Variants in DLG2 observed in about 807,000 individuals in gnomAD.
The protein encoded by DLG2 is discs large MAGUK scaffold protein 2.
DLG2 carries 45 observed loss-of-function variants against 132.5 expected under a neutral mutation model. The observed-to-expected ratio is 0.34, with a 90% confidence interval of 0.27 to 0.44. DLG2 has a LOEUF of 0.44. DLG2 is among the 20% of genes least tolerant of loss of function. The pLI is 1.00. For synonymous variants in DLG2, 424 were observed against 419.6 expected (o/e 1.01, Z -0.13); for missense variants, 1,045 against 1,196.9 (o/e 0.87, Z 1.87).
intron 9 of DLG2, among the ~76,000 whole-genome samples, chr11:84,118,249 A>C (rs1365994224): frequency 1.3e-5 from 2 of 152,220 alleles, no homozygotes; most frequent in African/African-American, 4.8e-5. Flanking sequence ...AAGATCAAGC[A>C]GTTCACCATT....
intron 6 of DLG2, among the ~76,000 whole-genome samples, chr11:84,867,503 T>C (rs75132402): frequency 6.6e-6 from 1 of 152,238 alleles, no homozygotes; most frequent in African/African-American, 2.4e-5. Flanking sequence ...TTTCTGTCTC[T>C]AGTTAGCCTT....
chr11:84,884,942 C>G (rs1175588400), intron 6 of DLG2, among the ~76,000 whole-genome samples: 1 of 152,116 alleles, frequency 6.6e-6, no homozygotes, highest in Non-Finnish European at 1.5e-5. Context: ...GGTATTCACA[C>G]TATATAAACT....
intron 3 of DLG2, among the ~76,000 whole-genome samples, chr11:85,594,996 C>T (rs1266654240): frequency 1.4e-5 from 2 of 138,862 alleles, no homozygotes; most frequent in Non-Finnish European, 3.0e-5. Flanking sequence ...AACCAGGAGG[C>T]AGAAGTTGCA....
rs1049202902 is a variant in DLG2, at chr11:84,003,410, A to G, written c.920-22768T>C. Among the ~76,000 whole-genome samples, 7 of 152,120 alleles carry G rather than the reference A, an allele frequency of 4.6e-5. No individual in the cohort carries two copies. The South Asian group carries it at 1.0e-3, about 23-fold the overall frequency. On this transcript the variant is annotated intron_variant, in intron 11 of 27. Coordinates refer to ENST00000376104, the MANE Select transcript of DLG2 (RefSeq NM_001142699.3). ...CATTTTCCTGTATTAGTCCATTTTC[A>G]TACTGCTATAAAGAACTGTCTGGGA...
chr11:84,171,724 T>G (rs2095827842), intron 8 of DLG2, among the ~76,000 whole-genome samples: 1 of 152,216 alleles, frequency 6.6e-6, no homozygotes, highest in Non-Finnish European at 1.5e-5. Context: ...TTTATTTTCC[T>G]TTGGGTAGAT....
chr11:84,462,369 C>T lies in DLG2; in HGVS notation c.519+72201G>A, dbSNP rs1033437303. Among the ~76,000 whole-genome samples the T allele has an allele frequency of 6.0e-5, 9 of 151,028 alleles. No individual in the cohort carries two copies. In the South Asian group the frequency reaches 1.9e-3, roughly 31 times the overall value. On this transcript the variant is annotated intron_variant, in intron 7 of 27. Coordinates refer to ENST00000376104, the MANE Select transcript of DLG2 (RefSeq NM_001142699.3). The stretch of plus-strand genomic sequence containing the variant: ...ATTTTTTTAAAAACCTTTTTTCCAA[C>T]AACTACCTAATAATGCAAATAAACA...
At chr11:85,335,426 A>G (rs2082061647) in intron 3 of DLG2, among the ~76,000 whole-genome samples, 1 of 152,114 alleles carries the variant, frequency 6.6e-6, no homozygotes, top group South Asian at 2.1e-4. Flanking sequence ...TCAAGGTTAT[A>G]TTGATATGTG....
chr11:84,547,039 A>T (rs1291136512), intron 6 of DLG2, among the ~76,000 whole-genome samples: 1 of 152,208 alleles, frequency 6.6e-6, no homozygotes, highest in African/African-American at 2.4e-5. Flanking sequence ...TGGGCAACTT[A>T]TTAAACCCTC....
At chr11:83,511,029 G>GAA (rs2094987802) in intron 21 of DLG2, among the ~76,000 whole-genome samples, 1 of 53,162 alleles carries the variant, frequency 1.9e-5, no homozygotes. Flanking sequence ...ACTACGTTTT[G>GAA]AGAAAAAAAA....
chr11:84,223,048 G>A (rs1008884574), intron 8 of DLG2, among the ~76,000 whole-genome samples: 1 of 152,114 alleles, frequency 6.6e-6, no homozygotes, highest in African/African-American at 2.4e-5. Flanking sequence ...CAGGTTCCTG[G>A]ACAGGCCAAA....
rs941545949 is a variant in DLG2, at chr11:84,232,163, C to T, written c.573+19075G>A. On this transcript the variant is annotated intron_variant, in intron 8 of 27. Coordinates refer to ENST00000376104, the MANE Select transcript of DLG2 (RefSeq NM_001142699.3). ...TATTCAGGTTACAATTCTCGTATCACCTTCTCCAAGAGATCTTTGCCATAC... is the reference window on the plus strand; with the variant it reads ...TATTCAGGTTACAATTCTCGTATCATCTTCTCCAAGAGATCTTTGCCATAC... 3.3e-5 allele frequency among the ~76,000 whole-genome samples: 5 copies of T among 152,174 alleles called. 1 individual carries two copies. The highest frequency in any genetic ancestry group is 6.5e-5 in the Admixed American group (1 of 15,276).
At chr11:83,617,034 G>A (rs2060924585) in intron 19 of DLG2, among the ~76,000 whole-genome samples, 2 of 152,132 alleles carry the variant, frequency 1.3e-5, no homozygotes, top group South Asian at 4.1e-4. Context: ...CATACTGCCT[G>A]TAATTATGTA....
chr11:84,148,186 T>C lies in DLG2; in HGVS notation c.624+15275A>G, dbSNP rs1290936879. ...AAAAATCTTCTAAATTTGATATTTC[T>C]GATTTTTCCTTGGAATTTTACAAAT... On this transcript the variant is annotated intron_variant, in intron 9 of 27. Coordinates refer to ENST00000376104, the MANE Select transcript of DLG2 (RefSeq NM_001142699.3). Among the ~76,000 whole-genome samples the C allele has an allele frequency of 2.6e-5, 4 of 152,310 alleles. No homozygotes were observed. In the East Asian group the frequency reaches 7.7e-4, roughly 29 times the overall value.
intron 6 of DLG2, among the ~76,000 whole-genome samples, chr11:84,951,797 T>C (rs1411254609): frequency 6.6e-6 from 1 of 151,898 alleles, no homozygotes; most frequent in African/African-American, 2.4e-5. Context: ...ATATATGTGG[T>C]TCATTTTAAA....
chr11:83,901,002 G>T (rs2073249917), intron 15 of DLG2, among the ~76,000 whole-genome samples: 1 of 152,228 alleles, frequency 6.6e-6, no homozygotes, highest in Non-Finnish European at 1.5e-5. Flanking sequence ...CTGGATGTGA[G>T]ACATGGAGTC....
intron 7 of DLG2, among the ~76,000 whole-genome samples, chr11:84,493,974 C>T (rs547111831): frequency 1.3e-5 from 2 of 152,130 alleles, no homozygotes; most frequent in Admixed American, 6.5e-5. Context: ...ATAGATAGAT[C>T]CATGAATGGA....
intron 3 of DLG2, among the ~76,000 whole-genome samples, chr11:85,307,522 G>C (rs896402869): frequency 2.0e-5 from 3 of 152,128 alleles, no homozygotes; most frequent in African/African-American, 7.2e-5. Flanking sequence ...ACGTTGGCTA[G>C]GTGACAGAGG....
chr11:83,514,206 G>C (rs2095190250), intron 21 of DLG2, among the ~76,000 whole-genome samples: 1 of 152,086 alleles, frequency 6.6e-6, no homozygotes, highest in Non-Finnish European at 1.5e-5. Context: ...TTATTTCATT[G>C]AGCAGTGGTT....
chr11:85,298,713 AT>A (rs2079398619), intron 3 of DLG2, among the ~76,000 whole-genome samples: 1 of 152,094 alleles, frequency 6.6e-6, no homozygotes, highest in Non-Finnish European at 1.5e-5. Flanking sequence ...AAATTAACCA[AT>A]GTCCCAATAT....
Sources: allele counts gnomAD v4.1 joint callset (sites outside exome capture counted in the v4.1 genomes callset), GRCh38; gene constraint gnomAD v4.1.1; transcripts MANE v1.5; gene names NCBI Gene and HGNC (gene_info 2026-07-23, HGNC 2026-07-21).